Variants in DNAH6 observed in about 807,000 individuals in gnomAD.
DNAH6 encodes the protein axonemal beta dynein heavy chain 6.
Under a neutral mutation model 491.4 loss-of-function variants are expected in DNAH6, and 340 were observed. The ratio of observed to expected loss-of-function variants is 0.69; its 90% CI spans 0.63 to 0.76. DNAH6 has a LOEUF of 0.76. DNAH6 is among the 30% of genes least tolerant of loss of function. The pLI is 0.00. For synonymous variants in DNAH6, 1,603 were observed against 1,686.1 expected, an observed-to-expected ratio of 0.95 and a Z score of 1.21; for missense variants, 4,443 against 4,972.2, an observed-to-expected ratio of 0.89 and a Z score of 3.20.
At chr2:84,476,012 C>T in the DNAH6 span, among the ~76,000 whole-genome samples, 3 of 152,154 alleles carry the variant, frequency 2.0e-5, no homozygotes, top group African/African-American at 7.2e-5. Flanking sequence ...GGTAGTTGTG[C>T]TTGTGTATTT....
chr2:84,625,865 C>T (rs920525362), intron 29 of DNAH6, among the ~76,000 whole-genome samples: 1 of 152,100 alleles, frequency 6.6e-6, no homozygotes, highest in Non-Finnish European at 1.5e-5. Flanking sequence ...AAAATCTAAC[C>T]TCACACAGAT....
chr2:84,754,873 G>A (rs1573710222), intron 63 of DNAH6, among the ~76,000 whole-genome samples: 1 of 152,138 alleles, frequency 6.6e-6, no homozygotes, highest in Admixed American at 6.5e-5. Context: ...TCAATTTGGG[G>A]AATATTTACC....
chr2:84,482,497 A>T, the DNAH6 span, among the ~76,000 whole-genome samples: 1 of 152,206 alleles, frequency 6.6e-6, no homozygotes, highest in African/African-American at 2.4e-5. Context: ...AAAAAGATAG[A>T]CCAAGAGAGA....
At chr2:84,647,025 T>C (rs1157658309) in intron 33 of DNAH6, among the ~76,000 whole-genome samples, 1 of 152,102 alleles carries the variant, frequency 6.6e-6, no homozygotes, top group Non-Finnish European at 1.5e-5. Context: ...TTTTGTATTT[T>C]TGGTAGAGAC....
intron 60 of DNAH6, among the ~76,000 whole-genome samples, chr2:84,726,417 G>A (rs1296715957): frequency 6.6e-6 from 1 of 152,174 alleles, no homozygotes; most frequent in African/African-American, 2.4e-5. Flanking sequence ...TTCCATGGAA[G>A]GCCACACATT....
chr2:84,715,749 T>A (rs1697467229), intron 58 of DNAH6, 122 bp downstream of exon 58: 4 of 913,260 alleles, frequency 4.4e-6, no homozygotes, highest in African/African-American at 1.7e-5. Context: ...GAACCCTTAA[T>A]CAAAAAAAAA....
At chr2:84,649,536 AT>A (rs902584263) in intron 33 of DNAH6, among the ~76,000 whole-genome samples, 29 of 152,168 alleles carry the variant, frequency 1.9e-4, no homozygotes, top group African/African-American at 6.5e-4. Flanking sequence ...CCAGAGGGAT[AT>A]TTCCCCTGGA....
At chr2:84,557,193 C>G (rs1345304063) in intron 10 of DNAH6, among the ~76,000 whole-genome samples, 1 of 152,146 alleles carries the variant, frequency 6.6e-6, no homozygotes, top group African/African-American at 2.4e-5. Flanking sequence ...ATATAGAACT[C>G]ATCACCATGT....
intron 39 of DNAH6, among the ~76,000 whole-genome samples, chr2:84,670,856 A>C (rs1339834283): frequency 6.6e-6 from 1 of 152,194 alleles, no homozygotes; most frequent in Non-Finnish European, 1.5e-5. Context: ...TTTTTTCTTC[A>C]GTCAGTACTT....
chr2:84,815,519 A>G (rs1680406266), intron 75 of DNAH6, among the ~76,000 whole-genome samples: 1 of 152,254 alleles, frequency 6.6e-6, no homozygotes, highest in South Asian at 2.1e-4. Flanking sequence ...GAGAGAAAGA[A>G]CAAAAAGGAA....
At chr2:84,519,682 A>C (rs1324252582) in intron 2 of DNAH6, among the ~76,000 whole-genome samples, 5 of 124,108 alleles carry the variant, frequency 4.0e-5, no homozygotes, top group Admixed American at 9.6e-5. Context: ...CTCTTCCCTT[A>C]CCCCTCCTTC....
chr2:84,615,163 T>C (rs1004528450), intron 22 of DNAH6, among the ~76,000 whole-genome samples: 2 of 152,172 alleles, frequency 1.3e-5, no homozygotes, highest in African/African-American at 4.8e-5. Context: ...AGAATTGTTA[T>C]GGTTTCAGGT....
chr2:84,686,764 T>C (rs976541283), intron 44 of DNAH6, among the ~76,000 whole-genome samples: 2 of 152,252 alleles, frequency 1.3e-5, no homozygotes, highest in African/African-American at 4.8e-5. Flanking sequence ...CAGCCATTTA[T>C]GTATATGATT....
intron 29 of DNAH6, among the ~76,000 whole-genome samples, chr2:84,633,929 A>G (rs77422467): frequency 0.016 from 2,412 of 152,326 alleles, 67 homozygotes; most frequent in African/African-American, 0.055. Flanking sequence ...TATATGGTAT[A>G]ATGCAAGATT....
At chr2:84,802,759 G>T (rs1620692) in intron 70 of DNAH6, among the ~76,000 whole-genome samples, 38,655 of 151,948 alleles carry the variant, frequency 0.25, 5,602 homozygotes, top group African/African-American at 0.42. Context: ...AGAATATACA[G>T]TCTTCTCATC....
chr2:84,801,269 G>GAAAAAA (rs548174516), intron 70 of DNAH6, among the ~76,000 whole-genome samples: 23 of 110,332 alleles, frequency 2.1e-4, no homozygotes, highest in South Asian at 3.1e-4. Context: ...AAAAGAAAAA[G>GAAAAAA]AAAAAAAAAA....
intron 68 of DNAH6, among the ~76,000 whole-genome samples, chr2:84,788,408 C>T (rs1677423429): frequency 6.6e-6 from 1 of 151,956 alleles, no homozygotes; most frequent in South Asian, 2.1e-4. Flanking sequence ...TAATGCAATC[C>T]CTATGTAACA....
chr2:84,716,871 A>T (rs886949443), intron 58 of DNAH6, among the ~76,000 whole-genome samples: 7 of 152,156 alleles, frequency 4.6e-5, no homozygotes, highest in Non-Finnish European at 1.0e-4. Context: ...CAGGGTGAGG[A>T]TGGAGCTGGG....
At chr2:84,593,601 C>G (rs1320732681) in intron 16 of DNAH6, among the ~76,000 whole-genome samples, 1 of 152,124 alleles carries the variant, frequency 6.6e-6, no homozygotes, top group Non-Finnish European at 1.5e-5. Context: ...TACAGAAGCC[C>G]AATGGAAATC....
Sources: allele counts gnomAD v4.1 joint callset (sites outside exome capture counted in the v4.1 genomes callset), GRCh38; gene constraint gnomAD v4.1.1; transcripts MANE v1.5; gene names NCBI Gene and HGNC (gene_info 2026-07-23, HGNC 2026-07-21).